Variants in WASF3 observed in about 807,000 individuals in gnomAD.
The protein encoded by WASF3 is actin-binding protein WASF3.
WASF3 carries 11 observed loss-of-function variants against 46.6 expected under a neutral mutation model. The ratio of observed to expected loss-of-function variants is 0.24; its 90% CI spans 0.15 to 0.39. The LOEUF (loss-of-function observed/expected upper bound fraction) is 0.39. WASF3 is among the 10% of genes least tolerant of loss of function. The pLI, the probability that WASF3 is intolerant of heterozygous loss-of-function variation, is 1.00. For missense variants in WASF3, 576 were observed against 669.8 expected, an observed-to-expected ratio of 0.86 and a Z score of 1.55; for synonymous variants, 242 against 259.7, an observed-to-expected ratio of 0.93 and a Z score of 0.65.
At chr13:26,564,211 A>G (rs1879387944) in intron 1 of WASF3, among the ~76,000 whole-genome samples, 1 of 152,250 alleles carries the variant, frequency 6.6e-6, no homozygotes, top group Non-Finnish European at 1.5e-5. Flanking sequence ...GTAAAACAGG[A>G]TAGATTATCT....
chr13:26,559,811 T>C (rs1228863844), intron 1 of WASF3, among the ~76,000 whole-genome samples: 1 of 83,228 alleles, frequency 1.2e-5, no homozygotes, highest in Non-Finnish European at 2.3e-5. Flanking sequence ...TTTCTTTCTT[T>C]TTTTTTTTTT....
the WASF3 span, among the ~76,000 whole-genome samples, chr13:26,542,449 G>A: frequency 1.3e-5 from 2 of 152,228 alleles, no homozygotes; most frequent in Admixed American, 1.3e-4. Context: ...TTTGGAGAAG[G>A]AAAATGCTAA....
chr13:26,573,168 A>T (rs982689935), intron 1 of WASF3, among the ~76,000 whole-genome samples: 1 of 152,076 alleles, frequency 6.6e-6, no homozygotes, highest in Admixed American at 6.6e-5. Context: ...AGTTGGCCTA[A>T]GCTTTCTATC....
In WASF3 at chr13:26,685,929, C is replaced by A; in HGVS notation, c.*84C>A. On this transcript the variant is annotated 3_prime_UTR_variant, in exon 10 of 10. Transcript: ENST00000335327. Reference sequence around the variant, plus strand: ...ACACCCAAATAGTGGTATTCTAATCCCGTAGCATAGCACCTTTTGTATAAA... The same window carrying A: ...ACACCCAAATAGTGGTATTCTAATCACGTAGCATAGCACCTTTTGTATAAA... 6.6e-7 allele frequency: 1 copy of A among 1,520,508 alleles called. No individual in the cohort carries two copies. Among genetic ancestry groups the A allele is most frequent in the East Asian group, 2.3e-5 (1 of 43,276 alleles). The allele number at this position is 1,520,508 out of a possible 1,614,324, so 94.2% of individuals were successfully genotyped here.
intron 9 of WASF3, 127 bp downstream of exon 9, chr13:26,683,101 TCTTA>T: frequency 1.5e-6 from 2 of 1,321,310 alleles, no homozygotes; most frequent in Admixed American, 2.7e-5. Flanking sequence ...GTTAAAGGGG[TCTTA>T]CTTGATTTTT....
At position 26,600,100 on chromosome 13, in the gene WASF3, G is replaced by T. The variant is rs183393317; in HGVS notation, c.-108-12861G>T. On this transcript the variant is annotated intron_variant, in intron 1 of 9. Coordinates refer to ENST00000335327, the MANE Select transcript of WASF3 (RefSeq NM_006646.6). ...AAAGTAAACTTCCCAGGGCTTGAGT[G>T]GTTTGACTAGGATTACTGTAGGAAA... Among the ~76,000 whole-genome samples, 105 of 152,160 alleles carry T rather than the reference G, an allele frequency of 6.9e-4. 1 individual carries two copies. The highest frequency in any genetic ancestry group is 9.7e-4 in the Non-Finnish European group (66 of 68,036).
chr13:26,557,166 G>A (rs1879116198), upstream of WASF3, among the ~76,000 whole-genome samples: 1 of 152,166 alleles, frequency 6.6e-6, no homozygotes, highest in Non-Finnish European at 1.5e-5. Context: ...CTGTGTTGAA[G>A]GAGATGGGAA....
intron 1 of WASF3, among the ~76,000 whole-genome samples, chr13:26,574,541 A>G (rs984755562): frequency 9.2e-5 from 14 of 151,884 alleles, no homozygotes; most frequent in African/African-American, 3.4e-4. Context: ...GAATCACTGC[A>G]TTTTAAGTAT....
chr13:26,676,367 T>C (rs1188670354), intron 6 of WASF3, among the ~76,000 whole-genome samples, 182 bp from the exon 7 acceptor site: 1 of 151,928 alleles, frequency 6.6e-6, no homozygotes, highest in Non-Finnish European at 1.5e-5. Flanking sequence ...TTCTGTTTTG[T>C]TGGTTCTGTT....
At chr13:26,611,651 G>T (rs915844346) in intron 1 of WASF3, among the ~76,000 whole-genome samples, 1 of 152,120 alleles carries the variant, frequency 6.6e-6, no homozygotes, top group African/African-American at 2.4e-5. Context: ...ATAATTTTCT[G>T]TATTTGGAAA....
chr13:26,578,147 C>G (rs749671436), intron 1 of WASF3, among the ~76,000 whole-genome samples: 1 of 152,134 alleles, frequency 6.6e-6, no homozygotes, highest in African/African-American at 2.4e-5. Flanking sequence ...CCTTATTGCA[C>G]TGGATAGAAC....
chr13:26,611,200 C>T (rs1880968577), intron 1 of WASF3, among the ~76,000 whole-genome samples: 1 of 151,968 alleles, frequency 6.6e-6, no homozygotes, highest in African/African-American at 2.4e-5. Context: ...TCAGACTCAT[C>T]CTGACTCTTC....
the WASF3 span, among the ~76,000 whole-genome samples, chr13:26,551,441 A>G: frequency 2.0e-5 from 3 of 152,170 alleles, no homozygotes; most frequent in East Asian, 3.9e-4. Context: ...AGTAGTTCCA[A>G]TGACATCATG....
chr13:26,684,684 T>C (rs1003776136), intron 9 of WASF3, among the ~76,000 whole-genome samples: 2 of 152,120 alleles, frequency 1.3e-5, no homozygotes, highest in Non-Finnish European at 2.9e-5. Flanking sequence ...AAAGGGACAT[T>C]ATATGCCATT....
At chr13:26,634,488 T>A (rs1881755385) in intron 2 of WASF3, among the ~76,000 whole-genome samples, 1 of 152,204 alleles carries the variant, frequency 6.6e-6, no homozygotes, top group South Asian at 2.1e-4. Flanking sequence ...CCATTTACAT[T>A]TAAGGCTAAT....
rs372831336 is a variant in WASF3 at position 26,585,016 on chromosome 13, G to A, written c.-109+27197G>A. ...GAAAATAGTGAGGTGGCAGATCCCT[G>A]CCTGACTCAGCTTTCACCATGCCAT... On this transcript the variant is annotated intron_variant, in intron 1 of 9. Transcript: ENST00000335327. 1.9e-4 allele frequency among the ~76,000 whole-genome samples: 29 copies of A among 151,944 alleles called. No homozygotes were observed. In the East Asian group the frequency reaches 5.4e-3, roughly 28 times the overall value.
At chr13:26,630,159 A>AGTTTT (rs924917533) in intron 2 of WASF3, among the ~76,000 whole-genome samples, 25 of 152,030 alleles carry the variant, frequency 1.6e-4, no homozygotes, top group African/African-American at 5.8e-4. Context: ...ACTGTTGTTA[A>AGTTTT]GTTTTGTTTT....
intron 3 of WASF3, among the ~76,000 whole-genome samples, chr13:26,643,341 A>T: frequency 6.6e-6 from 1 of 151,542 alleles, no homozygotes; most frequent in East Asian, 1.9e-4. Context: ...CGAAGGGCAA[A>T]TTTTTTTTTA....
chr13:26,578,570 C>A (rs1879872024), intron 1 of WASF3, among the ~76,000 whole-genome samples: 1 of 152,168 alleles, frequency 6.6e-6, no homozygotes, highest in African/African-American at 2.4e-5. Context: ...TTCCCATTCA[C>A]ATTTGTTTTC....
Sources: allele counts gnomAD v4.1 joint callset (sites outside exome capture counted in the v4.1 genomes callset), GRCh38; gene constraint gnomAD v4.1.1; transcripts MANE v1.5; gene names NCBI Gene and HGNC (gene_info 2026-07-23, HGNC 2026-07-21).